The following TBRG4 variants were observed in gnomAD, a reference collection of about 807,000 sequenced individuals.
TBRG4 encodes transforming growth factor beta regulator 4.
Under a neutral mutation model 65.6 loss-of-function variants are expected in TBRG4, and 43 were observed. The observed-to-expected ratio is 0.66, with a 90% CI of 0.51 to 0.85. The LOEUF (loss-of-function observed/expected upper bound fraction) is 0.85. TBRG4 is among the 40% of genes least tolerant of loss of function. TBRG4 has a pLI of 0.00. For missense variants in TBRG4, 709 were observed against 787.9 expected (o/e 0.90, Z 1.20); for synonymous variants, 366 against 341.4 (o/e 1.07, Z -0.79).
chr7:45,101,215 G>C (rs759896591), intron 10 of TBRG4, 43 bp downstream of exon 10: 2 of 1,581,452 alleles, frequency 1.3e-6, no homozygotes, highest in African/African-American at 2.7e-5. Context: ...CGTGGGTTGG[G>C]GATTCTCCCT....
intron 7 of TBRG4, 113 bp downstream of exon 7, chr7:45,102,234 G>A (rs770521333): frequency 6.4e-7 from 1 of 1,554,136 alleles, no homozygotes; most frequent in Non-Finnish European, 8.7e-7. Context: ...AGGATGGAGA[G>A]CGAGGGGGAG....
chr7:45,111,072 T>C (rs992267874), intron 1 of TBRG4, among the ~76,000 whole-genome samples: 14 of 152,108 alleles, frequency 9.2e-5, no homozygotes, highest in Non-Finnish European at 1.5e-5. Flanking sequence ...GCCTCCCGGA[T>C]TCAAGCGATT....
At chr7:45,111,468 G>A in intron 1 of TBRG4, 175 bp downstream of exon 1, 1 of 702,728 alleles carries the variant, frequency 1.4e-6, no homozygotes, top group Non-Finnish European at 2.1e-6. Context: ...TAGAGAGGAA[G>A]CGTGCGCACT....
Position 45,105,431 on chromosome 7 carries a change from G to C in TBRG4, c.735+10C>G. On this transcript the variant is annotated intron_variant, in intron 3 of 10. Transcript: ENST00000258770. ...GCAGGCTGGGTGCCACCTGCTTTCA[G>C]GCCCAGTACCTTGTCTTCCAGGCGG... 3 of 1,581,562 alleles carry C rather than the reference G, an allele frequency of 1.9e-6. No individual in the cohort carries two copies. The South Asian group carries it at 3.5e-5, about 19-fold the overall frequency.
At position 45,104,530 on chromosome 7, in the gene TBRG4, G is replaced by C. The variant is rs562296179; in HGVS notation, c.907+8C>G. ...CCCTCTCTCCACCGTTCTGTCCAAAGGGCTCACCATAGGCATAGGCCACGT... is the reference window on the plus strand; with the variant it reads ...CCCTCTCTCCACCGTTCTGTCCAAACGGCTCACCATAGGCATAGGCCACGT... On this transcript the variant is annotated splice_region_variant and intron_variant, in intron 4 of 10. Coordinates refer to ENST00000258770, the MANE Select transcript of TBRG4 (RefSeq NM_004749.4). 9.3e-6 allele frequency: 15 copies of C among 1,613,834 alleles called. No homozygotes were observed. In the South Asian group the frequency reaches 1.5e-4, roughly 17 times the overall value.
intron 2 of TBRG4, 160 bp from the exon 3 acceptor site, chr7:45,105,924 T>TAG: frequency 1.0e-6 from 1 of 958,760 alleles, no homozygotes; most frequent in Non-Finnish European, 1.7e-6. Context: ...CCCCAGTGCC[T>TAG]GGCTGCTCCT....
Position 45,100,241 on chromosome 7 carries a change from G to A in TBRG4, c.*84C>T, listed in dbSNP as rs977186880. On this transcript the variant is annotated 3_prime_UTR_variant, in exon 11 of 11. Coordinates refer to ENST00000258770, the MANE Select transcript of TBRG4 (RefSeq NM_004749.4). The stretch of plus-strand genomic sequence containing the variant: ...ACTCTGGCCAAGGTCCTGCACAGAG[G>A]TTTGTCCTCAAGGGTGACCCTTCTT... The A allele has an allele frequency of 1.7e-6, 2 of 1,162,532 alleles. No homozygotes were observed. The highest frequency in any genetic ancestry group is 1.2e-6 in the Non-Finnish European group (1 of 812,252). The allele number at this position is 1,162,532 out of a possible 1,614,324, so 72.0% of individuals were successfully genotyped here. A position where few individuals can be genotyped will look rare whatever the true frequency, so the allele number is the denominator to read the frequency against.
At chr7:45,101,113 C>T (rs967651836) in intron 10 of TBRG4, 145 bp downstream of exon 10, 2 of 695,468 alleles carry the variant, frequency 2.9e-6, no homozygotes, top group Non-Finnish European at 4.6e-6. Context: ...CCACAGTAAA[C>T]TCCCTCCCTG....
chr7:45,104,638 G>C lies in TBRG4; in HGVS notation c.807C>G (p.Ser269Arg). Residue 269 changes from serine to arginine, a missense_variant, in exon 4 of 11, where the codon AGC becomes AGG. By Grantham distance (110) the Ser-to-Arg change is moderately radical (BLOSUM62 -1). Coordinates refer to ENST00000258770, the MANE Select transcript of TBRG4 (RefSeq NM_004749.4). ...CCCGCAGCAAGGGCACGGACCGCCG[G>C]CTCTGAGCTGCCAGCATCACCAGCA... is the stretch of plus-strand genomic sequence containing the variant. ...RKVLVMLAAQ[S>R]RRSVPLLRAI... 1 of 1,613,936 alleles carries C rather than the reference G, an allele frequency of 6.2e-7. No individual in the cohort carries two copies. The highest frequency in any genetic ancestry group is 8.5e-7 in the Non-Finnish European group (1 of 1,180,040).
At chr7:45,105,301 C>A (rs1437670146) in intron 3 of TBRG4, 140 bp downstream of exon 3, 1 of 959,990 alleles carries the variant, frequency 1.0e-6, no homozygotes, top group Non-Finnish European at 1.5e-6. Context: ...CCATGTGATG[C>A]CTGAGGCTCC....
intron 6 of TBRG4, 129 bp downstream of exon 6, chr7:45,103,204 C>G: frequency 1.4e-6 from 1 of 719,166 alleles, no homozygotes; most frequent in Non-Finnish European, 2.5e-6. Flanking sequence ...GTTCCCCCTG[C>G]CCTCCCATGC....
intron 8 of TBRG4, 51 bp from the exon 9 acceptor site, chr7:45,101,665 C>A (rs1289647369): frequency 6.9e-6 from 11 of 1,595,148 alleles, no homozygotes; most frequent in Middle Eastern, 4.0e-4. Context: ...CCCTCAGAAA[C>A]CCCCCCACAG....
In TBRG4 at chr7:45,104,991, T is replaced by C. The variant is rs952029042; in HGVS notation, c.736-282A>G. The C allele has an allele frequency of 2.1e-5, 16 of 748,210 alleles. No individual in the cohort carries two copies. The African/African-American group carries it at 2.7e-4, about 13-fold the overall frequency. The allele number at this position is 748,210 out of a possible 1,614,324, so 46.3% of individuals were successfully genotyped here. ...TGTGGAGCTTGCTGTGGCAGCCATC[T>C]GGGCCAGCCCCCGCTATGACAGAAA... On this transcript the variant is annotated intron_variant, in intron 3 of 10. Coordinates refer to ENST00000258770, the MANE Select transcript of TBRG4 (RefSeq NM_004749.4).
In TBRG4 at chr7:45,101,909, C is replaced by A; in HGVS notation, c.1483G>T (p.Glu495Ter). The A allele has an allele frequency of 6.2e-7, 1 of 1,611,350 alleles. No individual in the cohort carries two copies. The highest frequency in any genetic ancestry group is 8.5e-7 in the Non-Finnish European group (1 of 1,179,154). The change falls in exon 8 of 11, where the codon GAG becomes TAG. Residue 495 changes from glutamate to a stop codon, truncating the protein, a stop_gained. Transcript: ENST00000258770. LOFTEE classifies it high-confidence loss of function. ...AGCCCCTTCAGCGTCTCCTGCAGCT[C>A]CTTTTGCAGGGGGGTCACCTTCCTG... is the stretch of plus-strand genomic sequence containing the variant. The part of the protein sequence containing the change: ...LDRKVTPLQK[E>*]LQETLKGLLG...
At chr7:45,104,501 G>A (rs201920015) in intron 4 of TBRG4, 37 bp downstream of exon 4, 19 of 1,613,416 alleles carry the variant, frequency 1.2e-5, no homozygotes, top group Non-Finnish European at 1.4e-5. Flanking sequence ...CAGGGCCAGC[G>A]CTCCCCTCTC....
Position 45,101,841 on chromosome 7 carries a change from C to T in TBRG4, c.1551G>A (p.Gln517=), listed in dbSNP as rs1055628799. 1 of 1,606,822 alleles carries T rather than the reference C, an allele frequency of 6.2e-7. No individual in the cohort carries two copies. ...ADKGSLEVAT[Q]YGWVLDAEVL... ...AGCCCTCACCCAGCACCCAGCCATA[C>T]TGCGTGGCCACCTCGAGGCTGCCCT... The change falls in exon 8 of 11, where the codon CAG becomes CAA. Residue 517 remains glutamine (Q), a synonymous_variant. Transcript: ENST00000258770.
At chr7:45,107,759 G>A (rs1785005688) in intron 2 of TBRG4, 1 of 154,410 alleles carries the variant, frequency 6.5e-6, no homozygotes, top group South Asian at 2.0e-4. Context: ...ACAATGTTCA[G>A]TCTTGCATCA....
intron 7 of TBRG4, 90 bp from the exon 8 acceptor site, chr7:45,102,160 T>A (rs1189458968): frequency 6.5e-7 from 1 of 1,530,854 alleles, no homozygotes; most frequent in East Asian, 2.3e-5. Flanking sequence ...CTACACCCAG[T>A]CCCAGCCCAG....
rs777574017 is a variant in TBRG4, at chr7:45,101,512, C to T, written c.1670G>A (p.Gly557Glu). ...QPTGSQSPPP[G>E]SKRLAFLRWE... is the part of the protein sequence containing the mutation. The stretch of plus-strand genomic sequence containing the variant: ...GTCCCTGGCCACCTACCTCTTAGAC[C>T]CTGGAGGTGGTGACTGGCTCCCAGT... Residue 557 changes from glycine (G) to glutamate (E), a missense_variant, in exon 9 of 11, where the codon GGG (glycine) becomes GAG (glutamate). Physicochemically the swap from Gly to Glu is moderately conservative, Grantham distance 98. Coordinates refer to ENST00000258770, the MANE Select transcript of TBRG4 (RefSeq NM_004749.4). 4 of 1,613,346 alleles carry T rather than the reference C, an allele frequency of 2.5e-6. No individual in the cohort carries two copies. In the African/African-American group the frequency reaches 4.0e-5, roughly 16 times the overall value.
Sources: allele counts gnomAD v4.1 joint callset (sites outside exome capture counted in the v4.1 genomes callset), GRCh38; gene constraint gnomAD v4.1.1; transcripts MANE v1.5; gene names NCBI Gene and HGNC (gene_info 2026-07-23, HGNC 2026-07-21).